The following DNAL1 variants were observed in gnomAD, a reference collection of about 807,000 sequenced individuals.
DNAL1 encodes the protein chromosome 14 open reading frame 168.
A neutral mutation model predicts 29.4 loss-of-function variants in DNAL1; 17 were observed. The observed-to-expected ratio is 0.58, with a 90% CI of 0.40 to 0.87. DNAL1 has a LOEUF of 0.87. Ranked by LOEUF, DNAL1 falls within the 40% of genes least tolerant of loss-of-function variation. The pLI, the probability that DNAL1 is intolerant of heterozygous loss-of-function variation, is 0.00. For missense variants in DNAL1, 188 were observed against 214.1 expected (o/e 0.88, Z 0.76); for synonymous variants, 78 against 76.3 (o/e 1.02, Z -0.12).
chr14:73,686,086 T>C (rs1368412146), intron 5 of DNAL1, among the ~76,000 whole-genome samples: 1 of 152,186 alleles, frequency 6.6e-6, no homozygotes, highest in Admixed American at 6.6e-5. Flanking sequence ...TTCCAATTTC[T>C]CCACATCCTC....
chr14:73,666,700 G>C (rs1429135939), intron 4 of DNAL1, among the ~76,000 whole-genome samples: 14 of 152,166 alleles, frequency 9.2e-5, no homozygotes, highest in Non-Finnish European at 1.9e-4. Flanking sequence ...AAAGGGGTTA[G>C]AGATTATCTT....
intron 2 of DNAL1, among the ~76,000 whole-genome samples, chr14:73,657,435 C>A (rs573883139): frequency 6.6e-6 from 1 of 152,304 alleles, no homozygotes; most frequent in East Asian, 1.9e-4. Flanking sequence ...CCTGCTTTGG[C>A]CTCCCAGATT....
At chr14:73,672,227 G>A (rs1215545261) in intron 5 of DNAL1, among the ~76,000 whole-genome samples, 2 of 152,182 alleles carry the variant, frequency 1.3e-5, no homozygotes, top group Non-Finnish European at 2.9e-5. Flanking sequence ...AAATTTGTTA[G>A]CCAAACTCTG....
At chr14:73,663,394 T>TGG (rs1566882743) in intron 4 of DNAL1, among the ~76,000 whole-genome samples, 1 of 151,920 alleles carries the variant, frequency 6.6e-6, no homozygotes, top group Non-Finnish European at 1.5e-5. Flanking sequence ...TTAGTGGAGA[T>TGG]GGGGTTTCAC....
chr14:73,655,133 G>A (rs1422371883), intron 2 of DNAL1, among the ~76,000 whole-genome samples: 1 of 151,910 alleles, frequency 6.6e-6, no homozygotes, highest in Non-Finnish European at 1.5e-5. Context: ...AAAATCAGTG[G>A]ATTGTATCAA....
intron 5 of DNAL1, among the ~76,000 whole-genome samples, chr14:73,680,523 A>G (rs1004077898): frequency 1.3e-5 from 2 of 152,224 alleles, no homozygotes; most frequent in African/African-American, 2.4e-5. Flanking sequence ...TCTTAAATTG[A>G]CACATTATAA....
intron 3 of DNAL1, among the ~76,000 whole-genome samples, chr14:73,661,735 ACT>A (rs1055023902): frequency 3.3e-5 from 5 of 151,896 alleles, no homozygotes; most frequent in African/African-American, 1.2e-4. Context: ...GCAGAGTGAG[ACT>A]CTGTCTTAAG....
Position 73,703,673 on chromosome 14 carries a change from C to T in DNAL1, c.*7731C>T, listed in dbSNP as rs978896041. 3 of 152,554 alleles carry T rather than the reference C, an allele frequency of 2.0e-5. No individual in the cohort carries two copies. The highest frequency in any genetic ancestry group is 3.4e-3 in the Middle Eastern group (1 of 294). 9.5% of individuals were successfully genotyped at this position (152,554 alleles called of 1,614,324 possible). A position where few individuals can be genotyped will look rare whatever the true frequency, so the allele number is the denominator to read the frequency against. ...TAATCCACCACCCTTTGCTGACTCT[C>T]TTTTCGGACTCAGCCCGCCTGCACC... On this transcript the variant is annotated 3_prime_UTR_variant, in exon 8 of 8. Coordinates refer to ENST00000553645, the MANE Select transcript of DNAL1 (RefSeq NM_031427.4).
At chr14:73,676,929 T>G (rs1891746124) in intron 5 of DNAL1, among the ~76,000 whole-genome samples, 1 of 151,882 alleles carries the variant, frequency 6.6e-6, no homozygotes, top group African/African-American at 2.4e-5. Flanking sequence ...ATGAAGATTA[T>G]CCCCTCCACC....
chr14:73,653,769 T>C (rs1040702133), intron 1 of DNAL1, among the ~76,000 whole-genome samples: 2 of 152,164 alleles, frequency 1.3e-5, no homozygotes, highest in African/African-American at 4.8e-5. Flanking sequence ...CTTTTGTTAT[T>C]CTTTGGGGTT....
Position 73,685,136 on chromosome 14 carries a change from A to G in DNAL1, c.265-2123A>G, listed in dbSNP as rs537501316. On this transcript the variant is annotated intron_variant, in intron 5 of 7. Coordinates refer to ENST00000553645, the MANE Select transcript of DNAL1 (RefSeq NM_031427.4). ...TATGGTGGTGAAATATACATAACAT[A>G]AAGTTTACCATCTAAAACATTTTTA... 4.0e-4 allele frequency among the ~76,000 whole-genome samples: 49 copies of G among 121,484 alleles called. 1 individual carries two copies. Among genetic ancestry groups the G allele is most frequent in the Admixed American group, 3.6e-3 (45 of 12,342 alleles). 79.7% of individuals were successfully genotyped at this position (121,484 alleles called of 152,430 possible).
At chr14:73,691,955 T>G (rs957700944) in intron 7 of DNAL1, among the ~76,000 whole-genome samples, 25 of 104,768 alleles carry the variant, frequency 2.4e-4, no homozygotes, top group Admixed American at 2.2e-3. Context: ...CTTGGCCTCC[T>G]AAAGTGCTGG....
At chr14:73,661,678 G>A (rs1466471163) in intron 3 of DNAL1, among the ~76,000 whole-genome samples, 1 of 152,102 alleles carries the variant, frequency 6.6e-6, no homozygotes, top group Non-Finnish European at 1.5e-5. Context: ...CGGGGAGGTG[G>A]AAGTTGCAGT....
chr14:73,688,858 T>A (rs552238313), intron 6 of DNAL1, among the ~76,000 whole-genome samples: 108 of 152,214 alleles, frequency 7.1e-4, no homozygotes, highest in African/African-American at 2.4e-3. Context: ...GAGAGGTATG[T>A]CTTCTTTTTC....
intron 5 of DNAL1, among the ~76,000 whole-genome samples, chr14:73,676,618 G>A (rs556541027): frequency 1.5e-3 from 229 of 152,174 alleles, no homozygotes; most frequent in Middle Eastern, 3.4e-3. Context: ...ATACAATCAT[G>A]TATTTAACTA....
intron 4 of DNAL1, among the ~76,000 whole-genome samples, chr14:73,664,355 T>C (rs1212642213): frequency 2.0e-5 from 3 of 152,170 alleles, no homozygotes; most frequent in Non-Finnish European, 4.4e-5. Flanking sequence ...TCTAAAAATA[T>C]CATTTGAATA....
chr14:73,647,167 G>C (rs1360512888), intron 1 of DNAL1, among the ~76,000 whole-genome samples: 1 of 151,710 alleles, frequency 6.6e-6, no homozygotes, highest in African/African-American at 2.4e-5. Context: ...GACCATCCTG[G>C]CTATCATGGT....
At chr14:73,664,872 A>T (rs4903133) in intron 4 of DNAL1, among the ~76,000 whole-genome samples, 53,275 of 151,524 alleles carry the variant, frequency 0.35, 11,085 homozygotes, top group East Asian at 0.62. Flanking sequence ...AAAAAAAAAT[A>T]AAAAAAAATT....
chr14:73,668,630 C>G (rs1469568794), intron 4 of DNAL1, among the ~76,000 whole-genome samples: 3 of 151,906 alleles, frequency 2.0e-5, no homozygotes, highest in African/African-American at 7.3e-5. Context: ...TGTGGTTGAT[C>G]TCTTCTGAGG....
Sources: allele counts gnomAD v4.1 joint callset (sites outside exome capture counted in the v4.1 genomes callset), GRCh38; gene constraint gnomAD v4.1.1; transcripts MANE v1.5; gene names NCBI Gene and HGNC (gene_info 2026-07-23, HGNC 2026-07-21).